The following SUGP1 variants were observed in gnomAD, a reference collection of about 807,000 sequenced individuals.
SUGP1 encodes the protein SURP and G-patch domain-containing protein 1.
SUGP1 carries 34 observed loss-of-function variants against 76.5 expected under a neutral mutation model. The ratio of observed to expected loss-of-function variants is 0.44; its 90% CI spans 0.34 to 0.59. The LOEUF is 0.59. SUGP1 is among the 20% of genes least tolerant of loss of function. The pLI, the probability that SUGP1 is intolerant of heterozygous loss-of-function variation, is 0.01. For missense variants in SUGP1, 752 were observed against 851.7 expected (o/e 0.88, Z 1.46); for synonymous variants, 326 against 326.2 (o/e 1.00, Z 0.01).
At position 19,316,532 on chromosome 19, in the gene SUGP1, G is replaced by A; in HGVS notation, c.96C>T (p.Ile32=). ...GAGCGATGAGCTCTTCCTGGTGAAG[G>A]ATGTTCATGTTCATTTTTCCAGATT... ...PPKSGKMNMN[I]LHQEELIAQK... is the part of the protein sequence containing the mutation. The change falls in exon 2 of 14, where the codon ATC becomes ATT. Residue 32 remains isoleucine, a synonymous_variant. Coordinates refer to ENST00000247001, the MANE Select transcript of SUGP1 (RefSeq NM_172231.4). 2.5e-6 allele frequency: 4 copies of A among 1,613,910 alleles called. No homozygotes were observed. The highest frequency in any genetic ancestry group is 3.4e-6 in the Non-Finnish European group (4 of 1,180,000).
intron 1 of SUGP1, 46 bp from the exon 2 acceptor site, chr19:19,316,639 A>T: frequency 6.2e-7 from 1 of 1,603,654 alleles, no homozygotes. Context: ...TTACTCCACA[A>T]ACACCCCAAG....
intron 13 of SUGP1, 40 bp from the exon 14 acceptor site, chr19:19,276,714 C>T (rs2061052141): frequency 6.8e-6 from 11 of 1,613,590 alleles, no homozygotes; most frequent in Non-Finnish European, 9.3e-6. Flanking sequence ...AGGGGATTAG[C>T]ACTAAAGACA....
intron 7 of SUGP1, among the ~76,000 whole-genome samples, chr19:19,299,117 G>T (rs2061251599): frequency 6.6e-6 from 1 of 152,214 alleles, no homozygotes; most frequent in Non-Finnish European, 1.5e-5. Flanking sequence ...TTTCAGCAAA[G>T]ATTTATCTTA....
chr19:19,300,770 T>A (rs2146613370), intron 7 of SUGP1, among the ~76,000 whole-genome samples: 1 of 152,108 alleles, frequency 6.6e-6, no homozygotes, highest in South Asian at 2.1e-4. Flanking sequence ...CAGCCTGGCC[T>A]CCCCGACAGC....
At chr19:19,313,321 G>A (rs2061365969) in intron 2 of SUGP1, among the ~76,000 whole-genome samples, 1 of 152,022 alleles carries the variant, frequency 6.6e-6, no homozygotes, top group Non-Finnish European at 1.5e-5. Context: ...CTTGAACCCA[G>A]GAAGCGAATG....
chr19:19,320,336 G>T, intron 1 of SUGP1, 127 bp downstream of exon 1: 1 of 1,013,708 alleles, frequency 9.9e-7, no homozygotes, highest in Non-Finnish European at 1.4e-6. Context: ...AGAAGCCGAC[G>T]CTGTGGGCTG....
intron 8 of SUGP1, among the ~76,000 whole-genome samples, chr19:19,295,332 C>T (rs932418392): frequency 3.3e-5 from 5 of 151,718 alleles, no homozygotes; most frequent in South Asian, 2.1e-4. Context: ...GGGCCGGGAG[C>T]GGTGGTTCAC....
chr19:19,285,552 C>T (rs567008087), intron 8 of SUGP1, among the ~76,000 whole-genome samples: 2 of 152,206 alleles, frequency 1.3e-5, no homozygotes, highest in South Asian at 2.1e-4. Flanking sequence ...GGAGCAAACA[C>T]CAGAATTCAT....
intron 8 of SUGP1, among the ~76,000 whole-genome samples, chr19:19,285,617 G>C (rs183172596): frequency 7.9e-5 from 12 of 152,306 alleles, no homozygotes; most frequent in African/African-American, 2.6e-4. Flanking sequence ...CCAGGCTGGA[G>C]TGCAATGGCG....
rs2061049275 is a variant in SUGP1 at position 19,276,326 on chromosome 19, CAG to C, written c.*320_*321del. The C allele has an allele frequency of 3.4e-6, 1 of 294,558 alleles. No individual in the cohort carries two copies. Among genetic ancestry groups the C allele is most frequent in the Non-Finnish European group, 6.5e-6 (1 of 153,418 alleles). 18.2% of individuals were successfully genotyped at this position (294,558 alleles called of 1,614,324 possible). On this transcript the variant is annotated 3_prime_UTR_variant, in exon 14 of 14. Coordinates refer to ENST00000247001, the MANE Select transcript of SUGP1 (RefSeq NM_172231.4). ...TTGGCCTCTCAAAGTGCTGGGATGA[CAG>C]GGGTGAGACACTGCACCTGGCCTTC...
intron 8 of SUGP1, among the ~76,000 whole-genome samples, chr19:19,289,839 G>A (rs1323597121): frequency 6.6e-6 from 1 of 152,198 alleles, no homozygotes; most frequent in Non-Finnish European, 1.5e-5. Context: ...GAGGTTCCTG[G>A]AGGGTGGCGT....
chr19:19,317,128 C>G (rs2061400098), intron 1 of SUGP1, among the ~76,000 whole-genome samples: 1 of 147,720 alleles, frequency 6.8e-6, no homozygotes. Flanking sequence ...CAGAGCAAGA[C>G]TCTGTCTCAA....
Position 19,297,126 on chromosome 19 carries a change from G to A in SUGP1, c.1106C>T (p.Ala369Val), listed in dbSNP as rs376087890. The change falls in exon 8 of 14, where the codon GCC (alanine) becomes GTC (valine). Residue 369 changes from alanine (A) to valine (V), a missense_variant. Ala to Val is a moderately conservative substitution (Grantham distance 64). This residue lies in a region of SUGP1 where 620 missense variants were observed against 617.3 expected (regional missense o/e 1.00). Coordinates refer to ENST00000247001, the MANE Select transcript of SUGP1 (RefSeq NM_172231.4). ...PAPTIIPAPA[A>V]PGKPASAATV... ...GGCTGCGGAGGCTGGCTTCCCGGGGGCAGCTGGAGCAGGGATGATAGTGGG... is the reference window on the plus strand; with the variant it reads ...GGCTGCGGAGGCTGGCTTCCCGGGGACAGCTGGAGCAGGGATGATAGTGGG... 6.2e-6 allele frequency: 10 copies of A among 1,613,852 alleles called. No homozygotes were observed. The highest frequency in any genetic ancestry group is 5.3e-5 in the African/African-American group (4 of 74,940).
At chr19:19,297,430 T>C in intron 7 of SUGP1, 86 bp from the exon 8 acceptor site, 1 of 846,894 alleles carries the variant, frequency 1.2e-6, no homozygotes, top group Non-Finnish European at 1.7e-6. Flanking sequence ...TGGCCTTGTG[T>C]GCCCACGTTG....
chr19:19,297,075 C>T lies in SUGP1; in HGVS notation c.1157G>A (p.Arg386Gln), dbSNP rs1180756895. ...TACCTTATCCTCTTCAGGCCCCCAC[C>T]GGCTCTTCCGCTTCCTCTTCACGGT... ...AATVKRKRKS[R>Q]WGPEEDKVEL... The change falls in exon 8 of 14, where the codon CGG becomes CAG. Residue 386 changes from arginine to glutamine, a missense_variant. Physicochemically the swap from Arg to Gln is conservative, Grantham distance 43 (BLOSUM62 1). Coordinates refer to ENST00000247001, the MANE Select transcript of SUGP1 (RefSeq NM_172231.4). The T allele has an allele frequency of 3.7e-6, 6 of 1,613,464 alleles. No individual in the cohort carries two copies. The highest frequency in any genetic ancestry group is 2.2e-5 in the East Asian group (1 of 44,892).
intron 8 of SUGP1, among the ~76,000 whole-genome samples, chr19:19,293,382 G>A (rs1036477189): frequency 3.3e-5 from 5 of 150,742 alleles, no homozygotes; most frequent in Non-Finnish European, 5.9e-5. Context: ...TCAGGAGTTC[G>A]AGACCAGCCT....
chr19:19,304,831 C>T (rs960313944), intron 4 of SUGP1, among the ~76,000 whole-genome samples: 2 of 152,078 alleles, frequency 1.3e-5, no homozygotes, highest in Non-Finnish European at 2.9e-5. Context: ...TGTAGCCCAA[C>T]GAGGGCCCCT....
At chr19:19,290,289 A>C (rs1028408414) in intron 8 of SUGP1, among the ~76,000 whole-genome samples, 2 of 152,210 alleles carry the variant, frequency 1.3e-5, no homozygotes, top group African/African-American at 4.8e-5. Flanking sequence ...ACATAAATCT[A>C]TACAAGGAGA....
chr19:19,309,013 C>A (rs1379624916), intron 3 of SUGP1, among the ~76,000 whole-genome samples: 2 of 152,102 alleles, frequency 1.3e-5, no homozygotes, highest in Non-Finnish European at 2.9e-5. Context: ...ATTACAGGCG[C>A]CTGCCACCAC....
Sources: allele counts gnomAD v4.1 joint callset (sites outside exome capture counted in the v4.1 genomes callset), GRCh38; gene constraint gnomAD v4.1.1; regional missense constraint gnomAD v4.1.1; transcripts MANE v1.5; gene names NCBI Gene and HGNC (gene_info 2026-07-23, HGNC 2026-07-21).